Variants in PCDHGB6 observed in about 807,000 individuals in gnomAD.
PCDHGB6 encodes protocadherin gamma subfamily B, 6, also known as protocadherin gamma-B6.
In PCDHGB6, 51 loss-of-function variants were observed where a neutral mutation model predicts 59.1. The ratio of observed to expected loss-of-function variants is 0.86; its 90% CI spans 0.69 to 1.09. PCDHGB6 has a LOEUF of 1.09. Ranked by LOEUF, PCDHGB6 falls within the 50% of genes least tolerant of loss-of-function variation. The pLI, the probability that PCDHGB6 is intolerant of heterozygous loss-of-function variation, is 0.00. For synonymous variants in PCDHGB6, 466 were observed against 495.1 expected (o/e 0.94, Z 0.78); for missense variants, 1,148 against 1,205.1 (o/e 0.95, Z 0.70).
intron 1 of PCDHGB6, among the ~76,000 whole-genome samples, chr5:141,472,042 T>C (rs2099270232): frequency 2.0e-5 from 3 of 152,146 alleles, no homozygotes; most frequent in African/African-American, 7.2e-5. Context: ...TGTGAAAAGA[T>C]TTTAAAAATG....
In PCDHGB6 at chr5:141,477,244, G is replaced by T. The variant is rs367944211; in HGVS notation, c.2419-17563G>T. On this transcript the variant is annotated intron_variant, in intron 1 of 3. Coordinates refer to ENST00000520790, the MANE Select transcript of PCDHGB6 (RefSeq NM_018926.3). The surrounding 1 kb of genome is among the most constrained non-coding windows in gnomAD (Gnocchi z 4.9). ...GGACTGTCATCGCTTTGCTCAGTGT[G>T]ACTGACCTGGATGCTGGCGAGAACG... 9 of 1,614,190 alleles carry T rather than the reference G, an allele frequency of 5.6e-6. No homozygotes were observed. Among genetic ancestry groups the T allele is most frequent in the Non-Finnish European group, 7.6e-6 (9 of 1,180,052 alleles).
intron 3 of PCDHGB6, 62 bp downstream of exon 3, chr5:141,505,543 C>T: frequency 6.2e-7 from 1 of 1,609,636 alleles, no homozygotes; most frequent in Non-Finnish European, 8.5e-7. Flanking sequence ...GTGCATCTCA[C>T]AGCCACCATG....
intron 1 of PCDHGB6, among the ~76,000 whole-genome samples, chr5:141,471,145 G>T (rs569617031): frequency 3.4e-4 from 50 of 148,740 alleles, no homozygotes; most frequent in Non-Finnish European, 5.4e-4. Flanking sequence ...TGCCTCCTGG[G>T]TTCAAGTGAT....
At position 141,487,025 on chromosome 5, in the gene PCDHGB6, C is replaced by T. The variant is rs769789352; in HGVS notation, c.2419-7782C>T. On this transcript the variant is annotated intron_variant, in intron 1 of 3. Transcript: ENST00000520790. This position sits in a 1 kb window ranked among gnomAD's most constrained non-coding sequence, Gnocchi z 5.0. ...GCTCCTGGAGGCCCCAGATCCCAGCCTGTTTGCAGTCTCTCGATATGCTGG... is the reference window on the plus strand; with the variant it reads ...GCTCCTGGAGGCCCCAGATCCCAGCTTGTTTGCAGTCTCTCGATATGCTGG... 1.9e-6 allele frequency: 3 copies of T among 1,614,216 alleles called. No homozygotes were observed. Among genetic ancestry groups the T allele is most frequent in the Non-Finnish European group, 2.5e-6 (3 of 1,180,050 alleles).
chr5:141,423,067 G>A (rs757110751), intron 1 of PCDHGB6: 10 of 1,614,024 alleles, frequency 6.2e-6, no homozygotes, highest in South Asian at 5.5e-5. Context: ...TAAGGCCAGC[G>A]AGCCGGGACT....
intron 2 of PCDHGB6, among the ~76,000 whole-genome samples, chr5:141,503,202 C>G (rs1562210201): frequency 6.6e-6 from 1 of 152,090 alleles, no homozygotes; most frequent in East Asian, 1.9e-4. Context: ...ATCAGCCTCT[C>G]AGTGCCCACC....
intron 1 of PCDHGB6, among the ~76,000 whole-genome samples, chr5:141,483,913 C>G (rs988014158): frequency 6.7e-6 from 1 of 148,188 alleles, no homozygotes; most frequent in African/African-American, 2.5e-5. Context: ...GTTTCCCACT[C>G]AGATTGCAGG....
intron 1 of PCDHGB6, among the ~76,000 whole-genome samples, chr5:141,434,630 A>G (rs2097706465): frequency 6.6e-6 from 1 of 152,106 alleles, no homozygotes; most frequent in African/African-American, 2.4e-5. Flanking sequence ...CGTTTCCCAT[A>G]AGGGATACTT....
intron 2 of PCDHGB6, among the ~76,000 whole-genome samples, chr5:141,502,500 G>A (rs1398797155): frequency 6.6e-6 from 1 of 152,046 alleles, no homozygotes; most frequent in Non-Finnish European, 1.5e-5. Context: ...ATCTAACGTC[G>A]GCCTGTCCCA....
At chr5:141,427,803 G>A (rs781324396) in intron 1 of PCDHGB6, 2 of 1,511,804 alleles carry the variant, frequency 1.3e-6, no homozygotes, top group Admixed American at 1.7e-5. Context: ...GTCCGTGAGC[G>A]CACAGAGCGG....
At chr5:141,478,127 C>A (rs1323163663) in intron 1 of PCDHGB6, 1 of 1,614,106 alleles carries the variant, frequency 6.2e-7, no homozygotes, top group South Asian at 1.1e-5. Flanking sequence ...CGAGGACTCT[C>A]CTGAAGCCCG....
chr5:141,434,178 G>C (rs960680568), intron 1 of PCDHGB6, among the ~76,000 whole-genome samples: 1 of 152,178 alleles, frequency 6.6e-6, no homozygotes, highest in African/African-American at 2.4e-5. Flanking sequence ...TTATATCCAA[G>C]ATTTGTAATT....
At chr5:141,473,501 G>A (rs1053399138) in intron 1 of PCDHGB6, among the ~76,000 whole-genome samples, 2 of 152,188 alleles carry the variant, frequency 1.3e-5, no homozygotes, top group South Asian at 4.1e-4. Context: ...GGTGTTCTGA[G>A]AGAGCATAAC....
rs2095356668 is a variant in PCDHGB6, at chr5:141,410,094, C to T, written c.1892C>T (p.Ala631Val). ...LRTGEVRTAR[A>V]LGDRDAARQR... Reference sequence around the variant, plus strand: ...ACTGGGGAGGTGCGCACGGCTCGAGCCTTAGGCGACAGGGACGCAGCCCGC... The same window carrying T: ...ACTGGGGAGGTGCGCACGGCTCGAGTCTTAGGCGACAGGGACGCAGCCCGC... The change falls in exon 1 of 4, where the codon GCC (alanine) becomes GTC (valine). Residue 631 changes from alanine to valine, a missense_variant. Coordinates refer to ENST00000520790, the MANE Select transcript of PCDHGB6 (RefSeq NM_018926.3). 6.2e-7 allele frequency: 1 copy of T among 1,612,528 alleles called. No homozygotes were observed. Among genetic ancestry groups the T allele is most frequent in the Non-Finnish European group, 8.5e-7 (1 of 1,179,670 alleles).
chr5:141,460,091 A>G (rs2098981847), intron 1 of PCDHGB6, among the ~76,000 whole-genome samples: 1 of 152,002 alleles, frequency 6.6e-6, no homozygotes, highest in Non-Finnish European at 1.5e-5. Flanking sequence ...AATAATAATT[A>G]TACATGTAAT....
In PCDHGB6 at chr5:141,477,967, C is replaced by A; in HGVS notation, c.2419-16840C>A. The A allele has an allele frequency of 6.2e-7, 1 of 1,614,150 alleles. No individual in the cohort carries two copies. Among genetic ancestry groups the A allele is most frequent in the Non-Finnish European group, 8.5e-7 (1 of 1,180,032 alleles). On this transcript the variant is annotated intron_variant, in intron 1 of 3. Transcript: ENST00000520790. The surrounding 1 kb of genome is among the most constrained non-coding windows in gnomAD (Gnocchi z 4.9). ...GTCTCTTGGGATCCCCTAACCAGAG[C>A]CTTTTTGCCATAGGGCTGCACACTG...
chr5:141,456,578 C>G (rs959608396), intron 1 of PCDHGB6, among the ~76,000 whole-genome samples: 10 of 152,182 alleles, frequency 6.6e-5, no homozygotes, highest in African/African-American at 1.7e-4. Flanking sequence ...TTTCCCTGAG[C>G]CTGTCAATAA....
At chr5:141,412,145 C>T (rs1335929166) in intron 1 of PCDHGB6, 1 of 152,210 alleles carries the variant, frequency 6.6e-6, no homozygotes, top group East Asian at 1.9e-4. Context: ...CTGATACAAA[C>T]TGCCTAAGAG....
At chr5:141,411,341 G>A (rs903980826) in intron 1 of PCDHGB6, 4 of 152,064 alleles carry the variant, frequency 2.6e-5, no homozygotes, top group Admixed American at 6.5e-5. Context: ...AGGCTGAATC[G>A]GAAAGTATCA....
Sources: allele counts gnomAD v4.1 joint callset (sites outside exome capture counted in the v4.1 genomes callset), GRCh38; gene constraint gnomAD v4.1.1; non-coding constraint Gnocchi (gnomAD v3.1); transcripts MANE v1.5; gene names NCBI Gene and HGNC (gene_info 2026-07-23, HGNC 2026-07-21).